The following PRMT8 variants were observed in gnomAD, a reference collection of about 807,000 sequenced individuals.
PRMT8 encodes the protein protein arginine methyltransferase 8.
In PRMT8, 7 loss-of-function variants were observed where a neutral mutation model predicts 47.1. The ratio of observed to expected loss-of-function variants is 0.15; its 90% CI spans 0.08 to 0.28. PRMT8 has a LOEUF of 0.28. Among genes scored for constraint, PRMT8 ranks in the 10% least tolerant of loss-of-function variants. The pLI, the probability that PRMT8 is intolerant of heterozygous loss-of-function variation, is 1.00. For synonymous variants in PRMT8, 188 were observed against 186.5 expected, an observed-to-expected ratio of 1.01 and a Z score of -0.07; for missense variants, 237 against 505.4, an observed-to-expected ratio of 0.47 and a Z score of 5.09.
intron 2 of PRMT8, among the ~76,000 whole-genome samples, chr12:3,544,442 G>T (rs569649219): frequency 6.6e-6 from 1 of 152,324 alleles, no homozygotes; most frequent in South Asian, 2.1e-4. Context: ...CATACTCTCT[G>T]TTAGGTTTTG....
chr12:3,545,315 T>TTACTGAGCACC (rs1866308962), intron 2 of PRMT8, among the ~76,000 whole-genome samples: 1 of 152,226 alleles, frequency 6.6e-6, no homozygotes, highest in East Asian at 1.9e-4. Flanking sequence ...GTTTTCCGGC[T>TTACTGAGCACC]TACTGAGCAC....
intron 1 of PRMT8, among the ~76,000 whole-genome samples, chr12:3,384,171 G>A (rs1864119083): frequency 6.6e-6 from 1 of 152,008 alleles, no homozygotes; most frequent in Non-Finnish European, 1.5e-5. Flanking sequence ...GAAACAGTCA[G>A]TATTTCACCA....
chr12:3,479,427 G>C (rs1865250685), intron 1 of PRMT8, among the ~76,000 whole-genome samples: 1 of 152,190 alleles, frequency 6.6e-6, no homozygotes, highest in African/African-American at 2.4e-5. Context: ...CATGGACTTG[G>C]CTAATTTTTT....
chr12:3,486,498 T>A (rs1020533839), upstream of PRMT8, among the ~76,000 whole-genome samples: 1 of 152,118 alleles, frequency 6.6e-6, no homozygotes, highest in Non-Finnish European at 1.5e-5. Context: ...GAAAAAAATA[T>A]GTATTAAGTT....
In PRMT8 at chr12:3,569,329, G is replaced by T. The variant is rs1009735829; in HGVS notation, c.625-148G>T. 6 of 733,084 alleles carry T rather than the reference G, an allele frequency of 8.2e-6. No individual in the cohort carries two copies. Among genetic ancestry groups the T allele is most frequent in the Admixed American group, 4.1e-5 (2 of 48,850 alleles). The allele number at this position is 733,084 out of a possible 1,614,324, so 45.4% of individuals were successfully genotyped here. ...ATAAAAATTGAGCACTGCTGTCCTA[G>T]CCCTCACCCCAGACAAGGTGACAGT... On this transcript the variant is annotated intron_variant, in intron 5 of 9. Coordinates refer to ENST00000382622, the MANE Select transcript of PRMT8 (RefSeq NM_019854.5). This position sits in a 1 kb window ranked among gnomAD's most constrained non-coding sequence, Gnocchi z 8.2.
At chr12:3,548,095 T>C (rs376551816) in intron 2 of PRMT8, among the ~76,000 whole-genome samples, 58 of 152,326 alleles carry the variant, frequency 3.8e-4, no homozygotes, top group African/African-American at 1.3e-3. Flanking sequence ...TCAATTGATT[T>C]TTGGTAAAGG....
rs140554964 is a variant in PRMT8, at chr12:3,423,435, T to C, written c.48+41993T>C. 1.1e-4 allele frequency among the ~76,000 whole-genome samples: 17 copies of C among 152,384 alleles called. No individual in the cohort carries two copies. In the East Asian group the frequency reaches 2.5e-3, roughly 22 times the overall value. Reference sequence around the variant, plus strand: ...GGGTCTGGTATCCCCATGAGCCATCTTGTGCTCAAGTAGCAGGCCCATAAT... The same window carrying C: ...GGGTCTGGTATCCCCATGAGCCATCCTGTGCTCAAGTAGCAGGCCCATAAT... On this transcript the variant is annotated intron_variant, in intron 1 of 9. Transcript: ENST00000452611.
At chr12:3,457,571 A>C (rs939936106) in intron 1 of PRMT8, among the ~76,000 whole-genome samples, 1 of 152,130 alleles carries the variant, frequency 6.6e-6, no homozygotes, top group Non-Finnish European at 1.5e-5. Flanking sequence ...AGCCTCGCAA[A>C]GAGCTGGGAT....
At chr12:3,507,998 G>A (rs1371122224) in intron 1 of PRMT8, among the ~76,000 whole-genome samples, 1 of 151,988 alleles carries the variant, frequency 6.6e-6, no homozygotes, top group Non-Finnish European at 1.5e-5. Context: ...GAGTATAATA[G>A]TCAGATCTGA....
chr12:3,465,173 T>TTA (rs1202445714), intron 1 of PRMT8, among the ~76,000 whole-genome samples: 1 of 141,998 alleles, frequency 7.0e-6, no homozygotes, highest in South Asian at 2.1e-4. Context: ...AAATATATAT[T>TTA]TATATATATA....
intron 4 of PRMT8, among the ~76,000 whole-genome samples, chr12:3,568,473 C>T (rs1866773972): frequency 6.6e-6 from 1 of 152,236 alleles, no homozygotes; most frequent in African/African-American, 2.4e-5. Flanking sequence ...ATATAACGGG[C>T]TTAGCGCTAT....
intron 1 of PRMT8, among the ~76,000 whole-genome samples, chr12:3,382,307 A>G (rs1355834265): frequency 1.3e-5 from 2 of 152,248 alleles, no homozygotes; most frequent in Admixed American, 6.5e-5. Flanking sequence ...AGGAACCACC[A>G]AACTGTTTTC....
chr12:3,565,338 G>T (rs1010659779), intron 4 of PRMT8, among the ~76,000 whole-genome samples: 1 of 152,116 alleles, frequency 6.6e-6, no homozygotes, highest in African/African-American at 2.4e-5. Flanking sequence ...GAACAAGAGC[G>T]TAAGTTGCTG....
chr12:3,527,364 T>A (rs1489707322), intron 1 of PRMT8, among the ~76,000 whole-genome samples: 1 of 152,100 alleles, frequency 6.6e-6, no homozygotes, highest in Non-Finnish European at 1.5e-5. Context: ...ATGAATATGC[T>A]GGACAAAGGG....
At chr12:3,559,440 G>T (rs1217473444) in intron 4 of PRMT8, among the ~76,000 whole-genome samples, 1 of 152,158 alleles carries the variant, frequency 6.6e-6, no homozygotes, top group East Asian at 1.9e-4. Context: ...GAGAGCTGGG[G>T]ATTGTGTGTC....
At chr12:3,591,958 G>C (rs1326614478) in intron 8 of PRMT8, among the ~76,000 whole-genome samples, 1 of 152,166 alleles carries the variant, frequency 6.6e-6, no homozygotes, top group African/African-American at 2.4e-5. Flanking sequence ...CTATGAACTT[G>C]TAGTATCGGG....
intron 1 of PRMT8, among the ~76,000 whole-genome samples, chr12:3,396,632 G>T (rs1864252032): frequency 6.6e-6 from 1 of 151,940 alleles, no homozygotes; most frequent in Admixed American, 6.6e-5. Flanking sequence ...CTTTCTCTCT[G>T]GCTGCCCTTA....
chr12:3,562,854 A>G (rs1226525580), intron 4 of PRMT8, among the ~76,000 whole-genome samples: 2 of 152,126 alleles, frequency 1.3e-5, no homozygotes, highest in East Asian at 3.9e-4. Flanking sequence ...TTTCTGTCCC[A>G]TGGAAGCTTC....
chr12:3,549,209 A>T (rs906894890), intron 2 of PRMT8, among the ~76,000 whole-genome samples: 3 of 152,198 alleles, frequency 2.0e-5, no homozygotes, highest in Non-Finnish European at 4.4e-5. Flanking sequence ...ACAGGTATAC[A>T]TTTGTCAAAG....
Sources: allele counts gnomAD v4.1 joint callset (sites outside exome capture counted in the v4.1 genomes callset), GRCh38; gene constraint gnomAD v4.1.1; non-coding constraint Gnocchi (gnomAD v3.1); transcripts MANE v1.5; gene names NCBI Gene and HGNC (gene_info 2026-07-23, HGNC 2026-07-21).